DOCK3: variants seen among roughly 807,000 people sequenced by gnomAD.
DOCK3 encodes the protein dedicator of cytokinesis 3, also known as dedicator of cytokinesis protein 3.
In DOCK3, 60 loss-of-function variants were observed where a neutral mutation model predicts 265.6. The observed-to-expected ratio is 0.23, with a 90% CI of 0.18 to 0.28. The LOEUF is 0.28. Among genes scored for constraint, DOCK3 ranks in the 10% least tolerant of loss-of-function variants. The pLI is 1.00. For missense variants in DOCK3, 1,981 were observed against 2,594.3 expected (o/e 0.76, Z 5.14); for synonymous variants, 881 against 938.0 (o/e 0.94, Z 1.11).
rs1308945759 is a variant in DOCK3, at chr3:50,913,971, G to A, written c.219-20010G>A. ...TGGAGTGGATACTTGTTAAATTGGTGTCCTTGTGTTGCGGGGAGAGGACAG... is the reference window on the plus strand; with the variant it reads ...TGGAGTGGATACTTGTTAAATTGGTATCCTTGTGTTGCGGGGAGAGGACAG... On this transcript the variant is annotated intron_variant, in intron 4 of 52. Coordinates refer to ENST00000266037, the MANE Select transcript of DOCK3 (RefSeq NM_004947.5). Among the ~76,000 whole-genome samples, 4 of 152,044 alleles carry A rather than the reference G, an allele frequency of 2.6e-5. 1 individual carries two copies. Among genetic ancestry groups the A allele is most frequent in the African/African-American group, 9.7e-5 (4 of 41,332 alleles).
At chr3:50,711,778 C>T (rs1018029552) in intron 1 of DOCK3, among the ~76,000 whole-genome samples, 1 of 152,140 alleles carries the variant, frequency 6.6e-6, no homozygotes, top group Non-Finnish European at 1.5e-5. Context: ...TGGTAGATTT[C>T]TCCAGAGAAG....
chr3:51,294,322 A>T (rs1318306020), intron 27 of DOCK3, among the ~76,000 whole-genome samples: 1 of 152,222 alleles, frequency 6.6e-6, no homozygotes, highest in African/African-American at 2.4e-5. Flanking sequence ...CATTATGTTA[A>T]GTGAAGTAAA....
chr3:51,319,515 G>A (rs1179378115), intron 32 of DOCK3, among the ~76,000 whole-genome samples: 1 of 151,892 alleles, frequency 6.6e-6, no homozygotes, highest in African/African-American at 2.4e-5. Context: ...ACACTGACCA[G>A]CCTAAAAATA....
intron 3 of DOCK3, among the ~76,000 whole-genome samples, chr3:50,878,573 T>G (rs1035280217): frequency 3.6e-5 from 5 of 139,422 alleles, no homozygotes; most frequent in African/African-American, 1.4e-4. Flanking sequence ...GAAGAGAAGT[T>G]TAGAGAAAAA....
At chr3:50,971,351 C>A (rs1158735224) in intron 5 of DOCK3, among the ~76,000 whole-genome samples, 1 of 151,754 alleles carries the variant, frequency 6.6e-6, no homozygotes, top group African/African-American at 2.4e-5. Context: ...ATTAGTTTTT[C>A]CCCTTGAAGA....
rs573732775 is a variant in DOCK3, at chr3:51,012,639, ACTGCACCCACTGTC to A, written c.316-51793_316-51780del. ...TCCTGCTTTGGCTCACACCCGGTGG[ACTGCACCCACTGTC>A]CTGCACCCACTGTCCGATAAGCCCC... On this transcript the variant is annotated intron_variant, in intron 5 of 52. Transcript: ENST00000266037. Among the ~76,000 whole-genome samples the A allele has an allele frequency of 4.7e-3, 720 of 152,044 alleles. 5 individuals are homozygous for A. The highest frequency in any genetic ancestry group is 5.9e-3 in the Non-Finnish European group (398 of 67,970).
At chr3:51,192,576 G>A (rs1424527005) in intron 12 of DOCK3, among the ~76,000 whole-genome samples, 1 of 151,936 alleles carries the variant, frequency 6.6e-6, no homozygotes, top group Non-Finnish European at 1.5e-5. Context: ...TCTTCAGCTT[G>A]AATCAAGGGA....
chr3:50,906,688 T>C (rs1392131463), intron 4 of DOCK3, among the ~76,000 whole-genome samples: 1 of 152,078 alleles, frequency 6.6e-6, no homozygotes, highest in Non-Finnish European at 1.5e-5. Flanking sequence ...TCTATCAATT[T>C]TGTTTGAAAA....
At chr3:50,739,534 C>T (rs188768604) in intron 1 of DOCK3, among the ~76,000 whole-genome samples, 1 of 152,172 alleles carries the variant, frequency 6.6e-6, no homozygotes, top group East Asian at 1.9e-4. Context: ...TGTCTATTCC[C>T]GGAATGTTTA....
At chr3:50,962,012 A>G (rs1413766420) in intron 5 of DOCK3, among the ~76,000 whole-genome samples, 1 of 149,834 alleles carries the variant, frequency 6.7e-6, no homozygotes, top group Admixed American at 6.6e-5. Flanking sequence ...TTTTTTTTTA[A>G]TATATATGCT....
chr3:51,037,618 C>G (rs564551218), intron 5 of DOCK3, among the ~76,000 whole-genome samples: 165 of 152,250 alleles, frequency 1.1e-3, no homozygotes, highest in Non-Finnish European at 1.4e-3. Context: ...TAAATTACCT[C>G]TCAGAGAACC....
intron 35 of DOCK3, among the ~76,000 whole-genome samples, chr3:51,336,267 C>T (rs1170517955): frequency 6.6e-6 from 1 of 151,910 alleles, no homozygotes; most frequent in African/African-American, 2.4e-5. Context: ...CACTCTGTGT[C>T]AGACATGAAG....
intron 32 of DOCK3, among the ~76,000 whole-genome samples, 182 bp downstream of exon 32, chr3:51,315,310 A>T (rs571118747): frequency 6.4e-4 from 97 of 152,290 alleles, no homozygotes; most frequent in Admixed American, 1.8e-3. Context: ...TTCTCCATGA[A>T]GTTAGAGGCC....
intron 9 of DOCK3, among the ~76,000 whole-genome samples, chr3:51,139,385 T>G (rs2084948824): frequency 6.6e-6 from 1 of 152,148 alleles, no homozygotes; most frequent in African/African-American, 2.4e-5. Context: ...GTCACCAAAT[T>G]AGAAGGTTGA....
chr3:51,229,572 G>C lies in DOCK3; in HGVS notation c.1880G>C (p.Gly627Ala). Residue 627 changes from glycine to alanine, a missense_variant, in exon 19 of 53, where the codon GGG (glycine) becomes GCG (alanine). Transcript: ENST00000266037. ...CCCGACCGGATCATGGATGTACTAG[G>C]GCGGCTGCGGCATGTCAGTGGGGAG... ...AFPDRIMDVLGRLRHVSGEEI... is the reference protein window; with the variant it reads ...AFPDRIMDVLARLRHVSGEEI... 2 of 1,607,692 alleles carry C rather than the reference G, an allele frequency of 1.2e-6. No homozygotes were observed. Among genetic ancestry groups the C allele is most frequent in the Non-Finnish European group, 1.7e-6 (2 of 1,176,860 alleles).
At chr3:51,281,237 T>A (rs565771752) in intron 27 of DOCK3, among the ~76,000 whole-genome samples, 1 of 148,070 alleles carries the variant, frequency 6.8e-6, no homozygotes, top group African/African-American at 2.5e-5. Flanking sequence ...GGGCCACACA[T>A]TAAATACACT....
intron 5 of DOCK3, among the ~76,000 whole-genome samples, chr3:50,993,145 G>T (rs1379428173): frequency 6.6e-6 from 1 of 152,080 alleles, no homozygotes; most frequent in Non-Finnish European, 1.5e-5. Flanking sequence ...AGCCATTGAG[G>T]CCCTAAGTTG....
At chr3:50,693,035 A>G (rs954624920) in intron 1 of DOCK3, among the ~76,000 whole-genome samples, 7 of 152,094 alleles carry the variant, frequency 4.6e-5, no homozygotes, top group African/African-American at 1.2e-4. Context: ...TCATTTGACA[A>G]TATATGTGAG....
chr3:50,833,771 C>G (rs934255428), intron 2 of DOCK3, among the ~76,000 whole-genome samples: 4 of 152,138 alleles, frequency 2.6e-5, no homozygotes. Flanking sequence ...GTAAAATAAC[C>G]AATTTCTCCA....
Sources: allele counts gnomAD v4.1 joint callset (sites outside exome capture counted in the v4.1 genomes callset), GRCh38; gene constraint gnomAD v4.1.1; transcripts MANE v1.5; gene names NCBI Gene and HGNC (gene_info 2026-07-23, HGNC 2026-07-21).